Variants in UBR4 observed in about 807,000 individuals in gnomAD.
UBR4 encodes the protein E3 ubiquitin-protein ligase UBR4.
A neutral mutation model predicts 575.6 loss-of-function variants in UBR4; 124 were observed. The ratio of observed to expected loss-of-function variants is 0.22; its 90% CI spans 0.19 to 0.25. The LOEUF (loss-of-function observed/expected upper bound fraction) is 0.25, where lower values mean the gene tolerates loss of function less well. UBR4 is among the 10% of genes least tolerant of loss of function. UBR4 has a pLI of 1.00. For synonymous variants in UBR4, 2,455 were observed against 2,473.7 expected, an observed-to-expected ratio of 0.99 and a Z score of 0.22; for missense variants, 4,818 against 6,478.8, an observed-to-expected ratio of 0.74 and a Z score of 8.80.
At position 19,105,089 on chromosome 1, in the gene UBR4, C is replaced by A. The variant is rs758550475; in HGVS notation, c.12604G>T (p.Ala4202Ser). The change falls in exon 85 of 106, where the codon GCT becomes TCT. Residue 4202 changes from alanine to serine, a missense_variant. Physicochemically the swap from Ala to Ser is moderately conservative, Grantham distance 99. Coordinates refer to ENST00000375254, the MANE Select transcript of UBR4 (RefSeq NM_020765.3). ...TSAHWKVYLA[A>S]RGVLPYVGNL... Reference sequence around the variant, plus strand: ...CCCACATAGGGTAGGACTCCCCGAGCTGCCAAGTAGACTTTCCAGTGCGCA... The same window carrying A: ...CCCACATAGGGTAGGACTCCCCGAGATGCCAAGTAGACTTTCCAGTGCGCA... 1 of 1,614,118 alleles carries A rather than the reference C, an allele frequency of 6.2e-7. No individual in the cohort carries two copies. Among genetic ancestry groups the A allele is most frequent in the Non-Finnish European group, 8.5e-7 (1 of 1,179,982 alleles).
chr1:19,127,060 C>T (rs1306038499), intron 63 of UBR4, among the ~76,000 whole-genome samples: 1 of 152,140 alleles, frequency 6.6e-6, no homozygotes, highest in Non-Finnish European at 1.5e-5. Flanking sequence ...CCCACCCCAC[C>T]CCCTGTAGAG....
rs1448501075 is a variant in UBR4 at position 19,117,525 on chromosome 1, T to G, written c.10630-111A>C. On this transcript the variant is annotated intron_variant, in intron 72 of 105. Coordinates refer to ENST00000375254, the MANE Select transcript of UBR4 (RefSeq NM_020765.3). The surrounding 1 kb of genome is among the most constrained non-coding windows in gnomAD (Gnocchi z 4.0). ...TCCACAAGATGAAGTTTCTATTTAA[T>G]TTTTTAAAAAATATTTTGTAGAGAT... 7.9e-7 allele frequency: 1 copy of G among 1,261,930 alleles called. No homozygotes were observed. Among genetic ancestry groups the G allele is most frequent in the East Asian group, 2.5e-5 (1 of 39,630 alleles). 78.2% of individuals were successfully genotyped at this position (1,261,930 alleles called of 1,614,324 possible).
intron 67 of UBR4, among the ~76,000 whole-genome samples, chr1:19,121,690 T>G (rs2081195366): frequency 6.6e-6 from 1 of 152,190 alleles, no homozygotes; most frequent in Non-Finnish European, 1.5e-5. Flanking sequence ...CTCTTTGACT[T>G]TACTGCCACT....
intron 77 of UBR4, chr1:19,113,154 C>T (rs2080089175): frequency 2.7e-6 from 1 of 370,820 alleles, no homozygotes; most frequent in South Asian, 4.1e-5. Flanking sequence ...GAAGCTAATA[C>T]ACGTGTAGCA....
chr1:19,201,926 A>T, intron 1 of UBR4, 111 bp from the exon 2 acceptor site: 1 of 889,846 alleles, frequency 1.1e-6, no homozygotes, highest in Non-Finnish European at 1.7e-6. Context: ...AGATAGTATC[A>T]TCAACCTATT....
At chr1:19,129,257 CAGA>C (rs775349995) in intron 60 of UBR4, among the ~76,000 whole-genome samples, 183 bp from the exon 61 acceptor site, 1 of 151,826 alleles carries the variant, frequency 6.6e-6, no homozygotes, top group Non-Finnish European at 1.5e-5. Context: ...GTCAGCAACA[CAGA>C]AGGAGAGATC....
chr1:19,122,763 C>T (rs2081316021), intron 66 of UBR4, 70 bp downstream of exon 66: 3 of 1,532,896 alleles, frequency 2.0e-6, no homozygotes, highest in Non-Finnish European at 2.7e-6. Context: ...TTACCTCCAG[C>T]CCTATTACCT....
chr1:19,199,872 G>T, intron 2 of UBR4, 118 bp from the exon 3 acceptor site: 2 of 905,306 alleles, frequency 2.2e-6, no homozygotes, highest in East Asian at 2.7e-5. Context: ...ATTATTCAGA[G>T]CCAAAAACCC....
intron 81 of UBR4, 130 bp downstream of exon 81, chr1:19,109,966 G>T: frequency 2.2e-6 from 3 of 1,358,042 alleles, no homozygotes; most frequent in Non-Finnish European, 3.0e-6. Context: ...GGCAAAGGCT[G>T]CACTGGAGCC....
At chr1:19,075,822 G>A (rs1386232012) in intron 105 of UBR4, among the ~76,000 whole-genome samples, 1 of 152,244 alleles carries the variant, frequency 6.6e-6, no homozygotes, top group African/African-American at 2.4e-5. Context: ...TAGCAGAGGC[G>A]TTCTCCTAAC....
In UBR4 at chr1:19,148,004, G is replaced by A; in HGVS notation, c.7618C>T (p.His2540Tyr). 6.2e-7 allele frequency: 1 copy of A among 1,612,910 alleles called. No homozygotes were observed. The highest frequency in any genetic ancestry group is 1.1e-5 in the South Asian group (1 of 91,036). ...GAGAGAACAGTTACCTTGTGGCTGT[G>A]GTAGGCCGAGCGGCTGGTGTGCAGG... ...ASLHTSRSAY[H>Y]SHKDQALLSK... Residue 2540 changes from histidine to tyrosine, a missense_variant, in exon 51 of 106, where the codon CAC becomes TAC. This residue lies in a region of UBR4 where 340 missense variants were observed against 375.4 expected (regional missense o/e 0.91). Coordinates refer to ENST00000375254, the MANE Select transcript of UBR4 (RefSeq NM_020765.3).
intron 55 of UBR4, among the ~76,000 whole-genome samples, chr1:19,142,246 T>A (rs74056764): frequency 6.6e-5 from 10 of 152,156 alleles, no homozygotes; most frequent in African/African-American, 2.4e-4. Flanking sequence ...GTAATTACTA[T>A]GAGAAGAACC....
intron 75 of UBR4, among the ~76,000 whole-genome samples, 173 bp from the exon 76 acceptor site, chr1:19,114,243 T>C (rs949203256): frequency 6.6e-6 from 1 of 152,234 alleles, no homozygotes; most frequent in African/African-American, 2.4e-5. Flanking sequence ...ATATTATTTC[T>C]AATAAAAATA....
At chr1:19,115,218 C>T (rs1324157559) in intron 74 of UBR4, among the ~76,000 whole-genome samples, 180 bp downstream of exon 74, 1 of 147,270 alleles carries the variant, frequency 6.8e-6, no homozygotes, top group African/African-American at 2.5e-5. Context: ...CACACACACA[C>T]ACACTCACTC....
chr1:19,121,671 C>T (rs1250423414), intron 67 of UBR4, among the ~76,000 whole-genome samples: 1 of 152,180 alleles, frequency 6.6e-6, no homozygotes, highest in Non-Finnish European at 1.5e-5. Context: ...CTCTAGACTC[C>T]ACCTACTCCT....
intron 9 of UBR4, 40 bp from the exon 10 acceptor site, chr1:19,192,580 G>C (rs1443807736): frequency 6.2e-7 from 1 of 1,606,574 alleles, no homozygotes; most frequent in Non-Finnish European, 8.5e-7. Context: ...TGAACAAGCT[G>C]ACAGATTTCA....
intron 71 of UBR4, 148 bp from the exon 72 acceptor site, chr1:19,118,058 G>A (rs17392444): frequency 0.086 from 56,000 of 650,610 alleles, 2,980 homozygotes; most frequent in Non-Finnish European, 0.12. Context: ...AAGGACACAG[G>A]AGAAATCCCA....
chr1:19,122,785 C>T (rs2081318541), intron 66 of UBR4, 48 bp downstream of exon 66: 2 of 1,607,858 alleles, frequency 1.2e-6, no homozygotes, highest in Non-Finnish European at 1.7e-6. Context: ...CTTGGCTAAG[C>T]CTTATCACAT....
chr1:19,151,152 A>G (rs1291267506), intron 48 of UBR4: 2 of 343,344 alleles, frequency 5.8e-6, no homozygotes, highest in African/African-American at 2.1e-5. Flanking sequence ...AACAGCAACT[A>G]TATCTAGAAG....
Sources: allele counts gnomAD v4.1 joint callset (sites outside exome capture counted in the v4.1 genomes callset), GRCh38; gene constraint gnomAD v4.1.1; regional missense constraint gnomAD v4.1.1; non-coding constraint Gnocchi (gnomAD v3.1); transcripts MANE v1.5; gene names NCBI Gene and HGNC (gene_info 2026-07-23, HGNC 2026-07-21).